SPTBN1: variants seen among roughly 807,000 people sequenced by gnomAD.
SPTBN1 encodes the protein spectrin beta, non-erythrocytic 1.
A neutral mutation model predicts 266.4 loss-of-function variants in SPTBN1; 32 were observed. The observed-to-expected ratio is 0.12, with a 90% CI of 0.09 to 0.16. The LOEUF is 0.16. Among genes scored for constraint, SPTBN1 ranks in the 10% least tolerant of loss-of-function variants. The pLI is 1.00. For synonymous variants in SPTBN1, 1,336 were observed against 1,162.2 expected, an observed-to-expected ratio of 1.15 and a Z score of -3.04; for missense variants, 2,296 against 3,067.1, an observed-to-expected ratio of 0.75 and a Z score of 5.94.
chr2:54,666,358 T>G (rs541316843), intron 34 of SPTBN1, among the ~76,000 whole-genome samples: 1 of 152,250 alleles, frequency 6.6e-6, no homozygotes, highest in Non-Finnish European at 1.5e-5. Context: ...GCACTTACTG[T>G]TCCCTAAGAC....
chr2:54,544,255 T>C (rs1213663984), intron 2 of SPTBN1, among the ~76,000 whole-genome samples: 2 of 152,212 alleles, frequency 1.3e-5, no homozygotes, highest in East Asian at 3.8e-4. Context: ...TTCTGATGCC[T>C]ATCTTTGACC....
intron 1 of SPTBN1, among the ~76,000 whole-genome samples, chr2:54,509,065 G>T (rs914001897): frequency 6.6e-5 from 10 of 152,196 alleles, no homozygotes; most frequent in Non-Finnish European, 1.5e-4. Flanking sequence ...GGTAATGGAG[G>T]GGGGCAGAGC....
intron 3 of SPTBN1, among the ~76,000 whole-genome samples, chr2:54,608,110 G>A (rs1006359263): frequency 2.4e-4 from 36 of 152,066 alleles, no homozygotes; most frequent in African/African-American, 7.5e-4. Flanking sequence ...TGTGAGGTCC[G>A]CTCAGCACAC....
chr2:54,598,011 A>G (rs1434238222), intron 2 of SPTBN1, among the ~76,000 whole-genome samples: 2 of 151,994 alleles, frequency 1.3e-5, no homozygotes, highest in Non-Finnish European at 2.9e-5. Context: ...GAACAGAGTC[A>G]GGGAGTAAGA....
At chr2:54,505,906 C>A (rs997799720) in intron 1 of SPTBN1, among the ~76,000 whole-genome samples, 19 of 151,904 alleles carry the variant, frequency 1.3e-4, no homozygotes, top group Admixed American at 1.1e-3. Context: ...GGGCGGATCT[C>A]GAGGTCAGGA....
chr2:54,519,833 A>T (rs1170350327), intron 1 of SPTBN1, among the ~76,000 whole-genome samples: 1 of 152,126 alleles, frequency 6.6e-6, no homozygotes, highest in Non-Finnish European at 1.5e-5. Flanking sequence ...GATTTTCAGG[A>T]GGTACGAGTT....
At chr2:54,562,026 C>T (rs1344778405) in intron 2 of SPTBN1, among the ~76,000 whole-genome samples, 1 of 152,110 alleles carries the variant, frequency 6.6e-6, no homozygotes, top group African/African-American at 2.4e-5. Context: ...ACCCCTTCCT[C>T]TTTTTCTTTT....
intron 27 of SPTBN1, 26 bp from the exon 28 acceptor site, chr2:54,655,044 C>G: frequency 6.2e-7 from 1 of 1,601,736 alleles, no homozygotes; most frequent in Non-Finnish European, 8.5e-7. Context: ...GATCTCCTAA[C>G]GGAGGCATCG....
intron 2 of SPTBN1, among the ~76,000 whole-genome samples, chr2:54,580,317 T>C (rs1312428687): frequency 1.3e-5 from 2 of 152,332 alleles, no homozygotes; most frequent in South Asian, 4.1e-4. Context: ...AACTAACATA[T>C]GTAGAACTAA....
chr2:54,522,711 G>GGAAAGAAA (rs1188390044), intron 1 of SPTBN1, among the ~76,000 whole-genome samples: 6 of 93,068 alleles, frequency 6.4e-5, no homozygotes, highest in South Asian at 3.5e-4. Context: ...AAGAAAGAAA[G>GGAAAGAAA]GAAAGAAAGA....
chr2:54,520,012 G>A (rs1209413056), intron 1 of SPTBN1, among the ~76,000 whole-genome samples: 1 of 152,168 alleles, frequency 6.6e-6, no homozygotes, highest in African/African-American at 2.4e-5. Flanking sequence ...GGCGGAGTTA[G>A]TGATTGTTAG....
At chr2:54,515,815 C>G (rs1670081132) in intron 1 of SPTBN1, 1 of 152,198 alleles carries the variant, frequency 6.6e-6, no homozygotes, top group South Asian at 2.1e-4. Flanking sequence ...ATGTGAGCCC[C>G]CTCGCCCAGT....
intron 2 of SPTBN1, among the ~76,000 whole-genome samples, chr2:54,582,311 G>T (rs190171280): frequency 4.6e-5 from 7 of 151,792 alleles, no homozygotes; most frequent in African/African-American, 1.7e-4. Flanking sequence ...TTCTGGTCTG[G>T]TGGTGCCTGA....
chr2:54,660,066 C>G, intron 32 of SPTBN1, 67 bp downstream of exon 32: 1 of 1,614,236 alleles, frequency 6.2e-7, no homozygotes, highest in Admixed American at 1.7e-5. Context: ...AGCCAGTGAC[C>G]AGCCATGGTC....
rs568685799 is a variant in SPTBN1 at position 54,642,905 on chromosome 2, T to C, written c.3859-78T>C. On this transcript the variant is annotated intron_variant, in intron 18 of 35. Transcript: ENST00000356805. The stretch of plus-strand genomic sequence containing the variant: ...CGTGTGTAGTATGCATAATATGACA[T>C]AAACACAACCCTTTCCAGGCGGAAA... The C allele has an allele frequency of 1.5e-4, 225 of 1,542,838 alleles. No individual in the cohort carries two copies. The African/African-American group carries it at 2.4e-3, about 17-fold the overall frequency.
chr2:54,572,873 GA>G (rs1674183167), intron 2 of SPTBN1, among the ~76,000 whole-genome samples: 2 of 152,206 alleles, frequency 1.3e-5, no homozygotes, highest in Admixed American at 6.5e-5. Flanking sequence ...TGGAAAGGGA[GA>G]GGGCTGGAGT....
intron 1 of SPTBN1, among the ~76,000 whole-genome samples, chr2:54,477,290 T>C (rs879282018): frequency 6.6e-6 from 1 of 152,206 alleles, no homozygotes; most frequent in Non-Finnish European, 1.5e-5. Context: ...TAATAAACTT[T>C]AGGTAAGAAG....
intron 3 of SPTBN1, among the ~76,000 whole-genome samples, chr2:54,600,177 C>A (rs891296985): frequency 1.3e-5 from 2 of 152,196 alleles, no homozygotes; most frequent in African/African-American, 2.4e-5. Flanking sequence ...CCCCACACCT[C>A]TGACCGCAGG....
chr2:54,509,074 G>A (rs1001929656), intron 1 of SPTBN1, among the ~76,000 whole-genome samples: 3 of 152,228 alleles, frequency 2.0e-5, no homozygotes, highest in Admixed American at 6.5e-5. Context: ...GGGGGGCAGA[G>A]CGGTAGCCTC....
Sources: allele counts gnomAD v4.1 joint callset (sites outside exome capture counted in the v4.1 genomes callset), GRCh38; gene constraint gnomAD v4.1.1; transcripts MANE v1.5; gene names NCBI Gene and HGNC (gene_info 2026-07-23, HGNC 2026-07-21).